The following SGCD variants were observed in gnomAD, a reference collection of about 807,000 sequenced individuals.
SGCD encodes delta-sarcoglycan.
Under a neutral mutation model 36.6 loss-of-function variants are expected in SGCD, and 18 were observed. The ratio of observed to expected loss-of-function variants is 0.49; its 90% CI spans 0.34 to 0.73. The LOEUF (loss-of-function observed/expected upper bound fraction) is 0.73. SGCD is among the 30% of genes least tolerant of loss of function. The probability of loss-of-function intolerance (pLI) is 0.01; values close to 1 mark genes in which losing one functional copy is unlikely to be tolerated. For synonymous variants in SGCD, 133 were observed against 130.6 expected, an observed-to-expected ratio of 1.02 and a Z score of -0.12; for missense variants, 387 against 346.7, an observed-to-expected ratio of 1.12 and a Z score of -0.92.
the SGCD span, among the ~76,000 whole-genome samples, chr5:155,743,627 A>AT: frequency 2.0e-5 from 3 of 152,228 alleles, no homozygotes; most frequent in East Asian, 5.8e-4. Flanking sequence ...ATGGTCCTGT[A>AT]TGCTACAAAA....
chr5:156,724,793 A>G (rs1437912796), intron 7 of SGCD, among the ~76,000 whole-genome samples: 1 of 152,184 alleles, frequency 6.6e-6, no homozygotes, highest in African/African-American at 2.4e-5. Context: ...GCAAGACTAC[A>G]CACTGAAGAG....
At position 155,912,038 on chromosome 5, in the gene SGCD, C is replaced by T. The variant is rs13435927; in HGVS notation, c.-282+41614C>T. ...TCCTCTTTCCAGGTGCCTTTCTTCT[C>T]CTTGTATTATACTTAAATGGAAAAG... On this transcript the variant is annotated intron_variant, in intron 1 of 9. Coordinates refer to the SGCD transcript ENST00000517913. Among the ~76,000 whole-genome samples the T allele has an allele frequency of 9.1e-3, 1,387 of 152,030 alleles. 26 individuals carry two copies. The highest frequency in any genetic ancestry group is 0.03 in the African/African-American group (1,265 of 41,484).
At chr5:155,748,040 C>T in the SGCD span, among the ~76,000 whole-genome samples, 3 of 152,086 alleles carry the variant, frequency 2.0e-5, no homozygotes, top group Middle Eastern at 3.2e-3. Flanking sequence ...AAATCCTTTC[C>T]CTACCTTTCC....
At chr5:156,240,600 A>G (rs886964546) in intron 3 of SGCD, among the ~76,000 whole-genome samples, 9 of 152,234 alleles carry the variant, frequency 5.9e-5, no homozygotes, top group African/African-American at 2.2e-4. Context: ...GTGATGAGAT[A>G]AGAACCGAAA....
chr5:155,774,561 T>C, the SGCD span, among the ~76,000 whole-genome samples: 1 of 152,162 alleles, frequency 6.6e-6, no homozygotes, highest in African/African-American at 2.4e-5. Flanking sequence ...GGAAAATCCA[T>C]GTTCCTGGCT....
intron 3 of SGCD, among the ~76,000 whole-genome samples, chr5:156,504,602 A>G (rs1353597246): frequency 6.6e-6 from 1 of 152,018 alleles, no homozygotes; most frequent in East Asian, 1.9e-4. Context: ...ATGCAACTTT[A>G]CATAGTTTTT....
chr5:156,358,554 A>T (rs930241832), intron 3 of SGCD, among the ~76,000 whole-genome samples: 1 of 152,220 alleles, frequency 6.6e-6, no homozygotes, highest in African/African-American at 2.4e-5. Flanking sequence ...GCCAAGGACT[A>T]TACTAAGTGC....
chr5:156,207,827 G>A (rs1362738430), intron 3 of SGCD, among the ~76,000 whole-genome samples: 4 of 151,968 alleles, frequency 2.6e-5, no homozygotes, highest in African/African-American at 7.2e-5. Flanking sequence ...TTATATATAT[G>A]TATATATAAT....
intron 1 of SGCD, among the ~76,000 whole-genome samples, chr5:155,904,223 C>G (rs1207344288): frequency 1.3e-5 from 2 of 152,170 alleles, no homozygotes; most frequent in East Asian, 3.8e-4. Context: ...TTCTTCCAAA[C>G]AGGAGCAAGT....
At chr5:156,448,804 A>G (rs1272858325) in intron 3 of SGCD, among the ~76,000 whole-genome samples, 1 of 127,952 alleles carries the variant, frequency 7.8e-6, no homozygotes, top group Non-Finnish European at 1.5e-5. Flanking sequence ...GCTAGAGTGC[A>G]GTGGCACAGT....
chr5:156,444,113 T>TCTCC (rs1475383541), intron 3 of SGCD, among the ~76,000 whole-genome samples: 1 of 80,642 alleles, frequency 1.2e-5, no homozygotes, highest in Admixed American at 1.4e-4. Flanking sequence ...TCTCTCTCTC[T>TCTCC]CTCCCCTTCC....
the SGCD span, among the ~76,000 whole-genome samples, chr5:155,811,108 C>T: frequency 6.6e-6 from 1 of 152,158 alleles, no homozygotes; most frequent in Middle Eastern, 3.4e-3. Context: ...TGAGCCACCG[C>T]GCCCGGCCTA....
chr5:155,759,352 C>A, the SGCD span, among the ~76,000 whole-genome samples: 4 of 152,174 alleles, frequency 2.6e-5, no homozygotes, highest in Non-Finnish European at 5.9e-5. Flanking sequence ...TCTCTCTCAC[C>A]ACCTTTTTTC....
rs1179565013 is a variant in SGCD, at chr5:156,765,328, G to GA, written c.*5939dup. On this transcript the variant is annotated 3_prime_UTR_variant, in exon 9 of 9. Coordinates refer to ENST00000337851, the MANE Select transcript of SGCD (RefSeq NM_000337.6). The stretch of plus-strand genomic sequence containing the variant: ...AAGGATTGTCTGAGGGCAGGAAGAC[G>GA]ACACTTGTCAACAAGGAAGACAGTG... The GA allele has an allele frequency of 2.0e-5, 3 of 152,164 alleles. No individual in the cohort carries two copies. Among genetic ancestry groups the GA allele is most frequent in the Non-Finnish European group, 4.4e-5 (3 of 68,040 alleles). 9.4% of individuals were successfully genotyped at this position (152,164 alleles called of 1,614,324 possible).
At chr5:156,436,658 C>T (rs1221997399) in intron 3 of SGCD, among the ~76,000 whole-genome samples, 1 of 152,194 alleles carries the variant, frequency 6.6e-6, no homozygotes, top group Non-Finnish European at 1.5e-5. Context: ...CCGTGTGAGT[C>T]CATTGCCTTT....
rs187489419 is a variant in SGCD at position 156,105,254 on chromosome 5, G to T, written c.-281-12624G>T. 1.2e-3 allele frequency among the ~76,000 whole-genome samples: 182 copies of T among 152,224 alleles called. No homozygotes were observed. The Middle Eastern group carries it at 0.014, about 11-fold the overall frequency. On this transcript the variant is annotated intron_variant, in intron 1 of 9. Coordinates refer to the SGCD transcript ENST00000517913. ...CTATGTGGAGTATTATGTAAATAAAGAAAGTACTTCACACATATTTTCATT... is the reference window on the plus strand; with the variant it reads ...CTATGTGGAGTATTATGTAAATAAATAAAGTACTTCACACATATTTTCATT...
intron 1 of SGCD, among the ~76,000 whole-genome samples, chr5:156,049,039 A>G (rs538850712): frequency 6.8e-6 from 1 of 146,732 alleles, no homozygotes; most frequent in Admixed American, 6.8e-5. Flanking sequence ...AGCTTTCTAC[A>G]TATGGCTAGC....
intron 3 of SGCD, among the ~76,000 whole-genome samples, chr5:156,502,032 T>TTC (rs1171816905): frequency 2.6e-5 from 4 of 151,690 alleles, no homozygotes; most frequent in African/African-American, 7.3e-5. Flanking sequence ...AGGAATGATA[T>TTC]TCTCTCTTTT....
At chr5:155,879,746 T>G (rs978618098) in intron 1 of SGCD, among the ~76,000 whole-genome samples, 1 of 152,138 alleles carries the variant, frequency 6.6e-6, no homozygotes, top group Non-Finnish European at 1.5e-5. Context: ...TTTCAAAACT[T>G]TCCAAAGATT....
Sources: allele counts gnomAD v4.1 joint callset (sites outside exome capture counted in the v4.1 genomes callset), GRCh38; gene constraint gnomAD v4.1.1; transcripts MANE v1.5; gene names NCBI Gene and HGNC (gene_info 2026-07-23, HGNC 2026-07-21).